The following MAF variants were observed in gnomAD, a reference collection of about 807,000 sequenced individuals.
The protein encoded by MAF is MAF bZIP transcription factor.
In MAF, 10 loss-of-function variants were observed where a neutral mutation model predicts 22.0. The observed-to-expected ratio is 0.45, with a 90% CI of 0.28 to 0.77. The LOEUF (loss-of-function observed/expected upper bound fraction) is 0.77. Among genes scored for constraint, MAF ranks in the 30% least tolerant of loss-of-function variants. MAF has a pLI of 0.12. For missense variants in MAF, 544 were observed against 548.4 expected (o/e 0.99, Z 0.08); for synonymous variants, 337 against 255.8 (o/e 1.32, Z -3.03).
At chr16:79,522,682 G>T in the MAF span, among the ~76,000 whole-genome samples, 2 of 152,152 alleles carry the variant, frequency 1.3e-5, no homozygotes, top group African/African-American at 2.4e-5. Flanking sequence ...AAGTGCTCTG[G>T]GAGTACAGAG....
At chr16:79,491,133 T>A in the MAF span, among the ~76,000 whole-genome samples, 1 of 152,212 alleles carries the variant, frequency 6.6e-6, no homozygotes, top group South Asian at 2.1e-4. Context: ...GATGGGGTTA[T>A]TGAGACCCAG....
At chr16:79,319,262 C>T in the MAF span, among the ~76,000 whole-genome samples, 4 of 152,172 alleles carry the variant, frequency 2.6e-5, no homozygotes, top group East Asian at 7.7e-4. Flanking sequence ...GAGAAAGAAA[C>T]AATGGCTAAT....
chr16:79,425,875 A>G, the MAF span, among the ~76,000 whole-genome samples: 6,337 of 152,270 alleles, frequency 0.042, 296 homozygotes, highest in African/African-American at 0.11. Context: ...TTAGCTTCAC[A>G]AATTTCATAA....
At chr16:79,424,249 T>C in the MAF span, among the ~76,000 whole-genome samples, 1 of 152,184 alleles carries the variant, frequency 6.6e-6, no homozygotes, top group Admixed American at 6.5e-5. Flanking sequence ...TTTGCCGAGA[T>C]GTTGAAAAAT....
At chr16:79,356,985 G>T in the MAF span, among the ~76,000 whole-genome samples, 1 of 152,184 alleles carries the variant, frequency 6.6e-6, no homozygotes, top group Non-Finnish European at 1.5e-5. Context: ...GACCGGGGAT[G>T]GTGGCTCATG....
chr16:79,372,650 C>A, the MAF span, among the ~76,000 whole-genome samples: 1 of 152,154 alleles, frequency 6.6e-6, no homozygotes, highest in Non-Finnish European at 1.5e-5. Flanking sequence ...GAGCCCCCAG[C>A]AGGCTCCATC....
chr16:79,222,253 G>C, the MAF span, among the ~76,000 whole-genome samples: 1 of 152,086 alleles, frequency 6.6e-6, no homozygotes, highest in Non-Finnish European at 1.5e-5. Context: ...CATAAGCGAA[G>C]GAGAAATAAA....
At chr16:79,456,405 G>C in the MAF span, among the ~76,000 whole-genome samples, 1 of 152,118 alleles carries the variant, frequency 6.6e-6, no homozygotes, top group Admixed American at 6.6e-5. Flanking sequence ...GTTTGGTAAA[G>C]CACCTGGCAA....
At chr16:79,263,768 A>G in the MAF span, among the ~76,000 whole-genome samples, 1 of 152,150 alleles carries the variant, frequency 6.6e-6, no homozygotes, top group Admixed American at 6.5e-5. Flanking sequence ...AGTCAACTCC[A>G]CTTTTGTGAC....
chr16:79,530,868 T>C, the MAF span, among the ~76,000 whole-genome samples: 2 of 152,348 alleles, frequency 1.3e-5, no homozygotes, highest in South Asian at 4.1e-4. Flanking sequence ...AAATGATTAC[T>C]TGTGAGCCAC....
At chr16:79,355,573 T>C in the MAF span, among the ~76,000 whole-genome samples, 9,065 of 152,208 alleles carry the variant, frequency 0.06, 517 homozygotes, top group East Asian at 0.19. Context: ...TCCTCTTCCA[T>C]GGAGAACGTC....
At chr16:79,246,921 G>A in the MAF span, among the ~76,000 whole-genome samples, 1 of 152,116 alleles carries the variant, frequency 6.6e-6, no homozygotes, top group Admixed American at 6.6e-5. Flanking sequence ...ACTGTTTTAG[G>A]TTCCTGTTCT....
At chr16:79,566,181 A>G in the MAF span, among the ~76,000 whole-genome samples, 1 of 152,198 alleles carries the variant, frequency 6.6e-6, no homozygotes, top group South Asian at 2.1e-4. Context: ...GTACATATCC[A>G]TATATCTGTA....
the MAF span, among the ~76,000 whole-genome samples, chr16:79,479,064 C>G: frequency 6.6e-6 from 1 of 151,508 alleles, no homozygotes; most frequent in Non-Finnish European, 1.5e-5. Context: ...GTGCACCACT[C>G]TAGCACATTG....
At chr16:79,318,844 T>C in the MAF span, among the ~76,000 whole-genome samples, 1 of 152,188 alleles carries the variant, frequency 6.6e-6, no homozygotes, top group Non-Finnish European at 1.5e-5. Context: ...CTCTCTTTTA[T>C]TGACTCCAAG....
the MAF span, among the ~76,000 whole-genome samples, chr16:79,262,186 T>TA: frequency 2.0e-5 from 3 of 152,102 alleles, no homozygotes; most frequent in Non-Finnish European, 4.4e-5. Flanking sequence ...GCAGGATGGG[T>TA]AGTTTTTGCA....
the MAF span, among the ~76,000 whole-genome samples, chr16:79,522,805 A>C: frequency 6.6e-6 from 1 of 152,230 alleles, no homozygotes; most frequent in Non-Finnish European, 1.5e-5. Flanking sequence ...TTAAGGATTA[A>C]ACATTTAATG....
chr16:79,357,479 G>C, the MAF span, among the ~76,000 whole-genome samples: 2 of 152,046 alleles, frequency 1.3e-5, no homozygotes, highest in Non-Finnish European at 2.9e-5. Flanking sequence ...TATACTTTTT[G>C]GGTCCCTGAA....
chr16:79,341,145 G>C, the MAF span, among the ~76,000 whole-genome samples: 238 of 152,252 alleles, frequency 1.6e-3, 4 homozygotes, highest in African/African-American at 5.4e-3. Flanking sequence ...GCTGGCAGAA[G>C]AACATAGGTA....
Sources: allele counts gnomAD v4.1 joint callset (sites outside exome capture counted in the v4.1 genomes callset), GRCh38; gene constraint gnomAD v4.1.1; transcripts MANE v1.5; gene names NCBI Gene and HGNC (gene_info 2026-07-23, HGNC 2026-07-21).